MDFIC2: variants seen among roughly 807,000 people sequenced by gnomAD.
MDFIC2 encodes the protein myoD family inhibitor domain-containing protein 2.
chr3:70,199,594 A>G (rs1701215931), intron 3 of MDFIC2, among the ~76,000 whole-genome samples: 1 of 152,162 alleles, frequency 6.6e-6, no homozygotes, highest in Non-Finnish European at 1.5e-5. Context: ...TGAGTTCCAC[A>G]CTTTTCCTAA....
chr3:70,251,674 A>G (rs980045874), intron 2 of MDFIC2, among the ~76,000 whole-genome samples: 1 of 152,162 alleles, frequency 6.6e-6, no homozygotes, highest in Non-Finnish European at 1.5e-5. Context: ...TAATATTGCC[A>G]TTACTTTTAA....
At chr3:70,229,114 T>C (rs886683918) in intron 2 of MDFIC2, among the ~76,000 whole-genome samples, 2 of 152,212 alleles carry the variant, frequency 1.3e-5, no homozygotes, top group Non-Finnish European at 2.9e-5. Context: ...AGAAAGGATG[T>C]ACCCTCTCTT....
chr3:70,301,268 T>C (rs141794922), intron 2 of MDFIC2, among the ~76,000 whole-genome samples: 22 of 152,252 alleles, frequency 1.4e-4, no homozygotes, highest in African/African-American at 5.3e-4. Context: ...AAAACACTTT[T>C]TAAATTTTAA....
At chr3:70,274,697 T>C (rs536625377) in intron 2 of MDFIC2, among the ~76,000 whole-genome samples, 5 of 152,264 alleles carry the variant, frequency 3.3e-5, no homozygotes, top group South Asian at 4.1e-4. Context: ...CCAACCACCA[T>C]GGCACACATC....
chr3:70,222,571 A>C (rs929636193), intron 2 of MDFIC2, among the ~76,000 whole-genome samples: 1 of 152,198 alleles, frequency 6.6e-6, no homozygotes, highest in African/African-American at 2.4e-5. Flanking sequence ...AAATTTGAAG[A>C]GACTCAAAAG....
intron 2 of MDFIC2, among the ~76,000 whole-genome samples, chr3:70,240,969 G>A (rs1387271087): frequency 1.3e-5 from 2 of 152,102 alleles, no homozygotes; most frequent in Non-Finnish European, 1.5e-5. Flanking sequence ...TAGCTTACTA[G>A]CTCATCTTGG....
chr3:70,251,359 A>G lies in MDFIC2; in HGVS notation c.89-44569T>C, dbSNP rs370751138. On this transcript the variant is annotated intron_variant, in intron 2 of 3. Transcript: ENST00000567252. ...TCTATGTTCATTGTTCACCTATGCC[A>G]TAATAGGGGGACTATCTGATTTTTT... Among the ~76,000 whole-genome samples, 3 of 152,240 alleles carry G rather than the reference A, an allele frequency of 2.0e-5. No individual in the cohort carries two copies. In the East Asian group the frequency reaches 5.8e-4, roughly 29 times the overall value.
chr3:70,307,588 G>A (rs1277042834), intron 2 of MDFIC2, among the ~76,000 whole-genome samples: 1 of 151,828 alleles, frequency 6.6e-6, no homozygotes, highest in Admixed American at 6.6e-5. Context: ...CTTTGATATG[G>A]CTTTCATTCA....
At chr3:70,273,937 C>T (rs1701997702) in intron 2 of MDFIC2, among the ~76,000 whole-genome samples, 1 of 152,094 alleles carries the variant, frequency 6.6e-6, no homozygotes, top group Non-Finnish European at 1.5e-5. Context: ...AGAGCAGCCA[C>T]AGGCACACAG....
At chr3:70,213,658 T>A (rs1701372412) in intron 2 of MDFIC2, among the ~76,000 whole-genome samples, 1 of 152,138 alleles carries the variant, frequency 6.6e-6, no homozygotes, top group South Asian at 2.1e-4. Flanking sequence ...TTTTTTTCCT[T>A]TGTATGAAAA....
intron 2 of MDFIC2, among the ~76,000 whole-genome samples, chr3:70,241,495 T>C (rs1247949363): frequency 1.3e-5 from 2 of 152,196 alleles, no homozygotes; most frequent in East Asian, 1.9e-4. Context: ...GGAGGTATGG[T>C]AGGAATTGTT....
intron 2 of MDFIC2, among the ~76,000 whole-genome samples, chr3:70,261,686 A>G (rs1179248408): frequency 6.6e-6 from 1 of 152,174 alleles, no homozygotes; most frequent in Non-Finnish European, 1.5e-5. Flanking sequence ...TTGAAAACAG[A>G]ATGCCAAGTT....
At chr3:70,297,598 A>G (rs1331119427) in intron 2 of MDFIC2, among the ~76,000 whole-genome samples, 1 of 152,158 alleles carries the variant, frequency 6.6e-6, no homozygotes, top group Non-Finnish European at 1.5e-5. Flanking sequence ...ATTCTTTGAA[A>G]TGAAATGCAT....
chr3:70,239,938 G>A (rs1160213903), intron 2 of MDFIC2, among the ~76,000 whole-genome samples: 2 of 152,182 alleles, frequency 1.3e-5, no homozygotes, highest in South Asian at 2.1e-4. Flanking sequence ...GTGTGTGTGT[G>A]TTGTATTTCT....
At chr3:70,284,155 C>T (rs1160252744) in intron 2 of MDFIC2, among the ~76,000 whole-genome samples, 1 of 152,100 alleles carries the variant, frequency 6.6e-6, no homozygotes, top group Non-Finnish European at 1.5e-5. Context: ...AAGCAAGAGT[C>T]ACAGTGTATT....
chr3:70,238,033 A>G (rs1701629350), intron 2 of MDFIC2, among the ~76,000 whole-genome samples: 1 of 105,954 alleles, frequency 9.4e-6, no homozygotes, highest in African/African-American at 4.0e-5. Context: ...TTTTCAGGAA[A>G]GAGAACTGTA....
At chr3:70,269,601 T>G (rs1701955744) in intron 2 of MDFIC2, among the ~76,000 whole-genome samples, 1 of 152,206 alleles carries the variant, frequency 6.6e-6, no homozygotes, top group Non-Finnish European at 1.5e-5. Flanking sequence ...GCTGCCCAGT[T>G]CTTGACTTTT....
intron 2 of MDFIC2, among the ~76,000 whole-genome samples, chr3:70,289,755 G>A (rs1413834124): frequency 8.5e-5 from 13 of 152,134 alleles, no homozygotes; most frequent in South Asian, 2.1e-4. Context: ...GGGTTTGCTC[G>A]TTTCTTTTTA....
At chr3:70,249,318 T>C (rs1322601112) in intron 2 of MDFIC2, 1 of 152,158 alleles carries the variant, frequency 6.6e-6, no homozygotes, top group Non-Finnish European at 1.5e-5. Context: ...GAAGTTATAA[T>C]GTGAATTTGG....
Sources: gnomAD v4.1 joint callset for allele counts (sites outside exome capture counted in the v4.1 genomes callset) on GRCh38, gnomAD v4.1.1 for gene constraint, MANE v1.5 for transcripts, NCBI Gene and HGNC (gene_info 2026-07-23, HGNC 2026-07-21) for gene names.